The following FMN1 variants were observed in gnomAD, a reference collection of about 807,000 sequenced individuals.
The protein encoded by FMN1 is formin-1.
In FMN1, 110 loss-of-function variants were observed where a neutral mutation model predicts 132.4. That is an observed-to-expected ratio of 0.83 (90% confidence interval 0.71 to 0.97). The LOEUF (loss-of-function observed/expected upper bound fraction) is 0.97. Among genes scored for constraint, FMN1 ranks in the 50% least tolerant of loss-of-function variants. The pLI is 0.00. For synonymous variants in FMN1, 722 were observed against 651.7 expected (o/e 1.11, Z -1.64); for missense variants, 1,792 against 1,705.3 (o/e 1.05, Z -0.90).
intron 15 of FMN1, among the ~76,000 whole-genome samples, chr15:32,890,760 T>TA (rs2060008217): frequency 6.6e-6 from 1 of 152,136 alleles, no homozygotes; most frequent in African/African-American, 2.4e-5. Flanking sequence ...CCCAACTACT[T>TA]ATCTTTGTTT....
chr15:33,180,824 A>G (rs1006156766), intron 2 of FMN1, among the ~76,000 whole-genome samples: 2 of 139,862 alleles, frequency 1.4e-5, no homozygotes, highest in Non-Finnish European at 3.0e-5. Flanking sequence ...ATCACGGCTC[A>G]CTGCAACCTC....
chr15:32,971,853 G>C (rs1399279727), intron 7 of FMN1, among the ~76,000 whole-genome samples: 1 of 152,134 alleles, frequency 6.6e-6, no homozygotes, highest in Admixed American at 6.5e-5. Flanking sequence ...CTTGTATCTA[G>C]AGCAAAAGCC....
At chr15:33,012,694 A>G in intron 6 of FMN1, 2 of 799,484 alleles carry the variant, frequency 2.5e-6, no homozygotes, top group Non-Finnish European at 2.2e-6. Flanking sequence ...ATCCAGCCAA[A>G]GAGGACATAG....
At chr15:32,884,284 G>A (rs1285323165) in intron 16 of FMN1, among the ~76,000 whole-genome samples, 5 of 152,174 alleles carry the variant, frequency 3.3e-5, no homozygotes, top group Admixed American at 2.6e-4. Context: ...GCTCTAGGGA[G>A]AATCTGTTCC....
chr15:32,966,794 C>T (rs547849973), intron 8 of FMN1, among the ~76,000 whole-genome samples: 9 of 152,302 alleles, frequency 5.9e-5, no homozygotes, highest in African/African-American at 2.2e-4. Flanking sequence ...TCTAGTTGCA[C>T]AAAATATTAA....
intron 4 of FMN1, among the ~76,000 whole-genome samples, chr15:33,094,747 G>A (rs16964872): frequency 0.11 from 17,433 of 151,938 alleles, 1,933 homozygotes; most frequent in East Asian, 0.63. Context: ...CTCCTTCCAC[G>A]GTTTTCTCCT....
In FMN1 at chr15:33,070,386, CTTTT is replaced by C. The variant is rs34096484; in HGVS notation, c.2044-5316_2044-5313del. Among the ~76,000 whole-genome samples, 107 of 134,346 alleles carry C rather than the reference CTTTT, an allele frequency of 8.0e-4. 1 individual carries two copies. Among genetic ancestry groups the C allele is most frequent in the African/African-American group, 2.7e-3 (96 of 36,064 alleles). The allele number at this position is 134,346 out of a possible 152,430, so 88.1% of individuals were successfully genotyped here. A position where few individuals can be genotyped will look rare whatever the true frequency, so the allele number is the denominator to read the frequency against. ...CAGTGGGAGAGGGCACGTATTTGGT[CTTTT>C]TTTTTTTTTTTTTTATGAACTGAAA... is the stretch of plus-strand genomic sequence containing the variant. On this transcript the variant is annotated intron_variant, in intron 5 of 20. Coordinates refer to ENST00000616417, the MANE Select transcript of FMN1 (RefSeq NM_001277313.2).
chr15:32,775,107 G>A (rs1293469297), intron 20 of FMN1, among the ~76,000 whole-genome samples: 1 of 152,188 alleles, frequency 6.6e-6, no homozygotes, highest in Admixed American at 6.5e-5. Context: ...CTTTTGGAAT[G>A]AGCAGATGCA....
intron 5 of FMN1, among the ~76,000 whole-genome samples, chr15:33,083,573 G>T (rs1406033136): frequency 6.6e-6 from 1 of 152,226 alleles, no homozygotes; most frequent in African/African-American, 2.4e-5. Flanking sequence ...ACGCTCTTGT[G>T]CTCTGGACCC....
chr15:33,168,135 C>T (rs902914586), intron 3 of FMN1, among the ~76,000 whole-genome samples: 2 of 152,040 alleles, frequency 1.3e-5, no homozygotes, highest in Admixed American at 6.5e-5. Flanking sequence ...GTAACTTGTC[C>T]GAAGTCACAG....
intron 9 of FMN1, among the ~76,000 whole-genome samples, chr15:32,948,939 T>C (rs1173301445): frequency 1.3e-5 from 2 of 152,098 alleles, no homozygotes; most frequent in Non-Finnish European, 2.9e-5. Context: ...TTCAACCTAA[T>C]ATTTCCTTTT....
chr15:32,825,800 G>T (rs933114663), intron 17 of FMN1, among the ~76,000 whole-genome samples: 2 of 152,098 alleles, frequency 1.3e-5, no homozygotes, highest in African/African-American at 4.8e-5. Context: ...TCCTGACTAC[G>T]TTGTGAGATC....
chr15:33,157,550 G>A (rs1342027690), intron 3 of FMN1, among the ~76,000 whole-genome samples: 1 of 152,160 alleles, frequency 6.6e-6, no homozygotes, highest in African/African-American at 2.4e-5. Flanking sequence ...CATAGGTCAT[G>A]TTGCTCTTCA....
At chr15:32,948,690 G>A (rs1186337881) in intron 9 of FMN1, among the ~76,000 whole-genome samples, 3 of 151,654 alleles carry the variant, frequency 2.0e-5, no homozygotes, top group Non-Finnish European at 4.4e-5. Flanking sequence ...CATTTCTATT[G>A]CATCTGTAGT....
intron 6 of FMN1, among the ~76,000 whole-genome samples, chr15:33,018,970 A>C (rs1027085646): frequency 6.6e-6 from 1 of 152,204 alleles, no homozygotes; most frequent in African/African-American, 2.4e-5. Context: ...ATGTGGGCCC[A>C]AAGGAGTGAG....
Position 33,155,021 on chromosome 15 carries a change from C to T in FMN1, c.-107G>A, listed in dbSNP as rs1027781242. On this transcript the variant is annotated 5_prime_UTR_variant, in exon 4 of 21. Coordinates refer to ENST00000616417, the MANE Select transcript of FMN1 (RefSeq NM_001277313.2). ...GTGGCTATGCAGAGAAAGCAGCTGACAGTCATCTCCAGCAATGAGACTGCC... is the reference window on the plus strand; with the variant it reads ...GTGGCTATGCAGAGAAAGCAGCTGATAGTCATCTCCAGCAATGAGACTGCC... The T allele has an allele frequency of 1.6e-5, 13 of 824,036 alleles. No individual in the cohort carries two copies. Among genetic ancestry groups the T allele is most frequent in the Admixed American group, 8.7e-5 (3 of 34,682 alleles). The allele number at this position is 824,036 out of a possible 1,614,324, so 51.0% of individuals were successfully genotyped here.
chr15:33,011,497 G>A (rs2034719583), intron 6 of FMN1, among the ~76,000 whole-genome samples: 1 of 151,694 alleles, frequency 6.6e-6, no homozygotes, highest in African/African-American at 2.4e-5. Flanking sequence ...TTATAGCATA[G>A]TATTTTACAG....
At chr15:33,113,113 T>C (rs985847160) in intron 4 of FMN1, among the ~76,000 whole-genome samples, 13 of 152,230 alleles carry the variant, frequency 8.5e-5, no homozygotes, top group African/African-American at 2.9e-4. Context: ...TACCTCTCAA[T>C]ATGCTGTTTC....
rs76040736 is a variant in FMN1 at position 32,897,405 on chromosome 15, A to C, written c.3714+1429T>G. ...AATGTTACTGGGAGACTTTTTCCCA[A>C]AAAATCTTTAAATTTATTATTTCCA... On this transcript the variant is annotated intron_variant, in intron 15 of 20. Coordinates refer to ENST00000616417, the MANE Select transcript of FMN1 (RefSeq NM_001277313.2). 9.4e-3 allele frequency among the ~76,000 whole-genome samples: 1,437 copies of C among 152,316 alleles called. 21 individuals are homozygous for C. The highest frequency in any genetic ancestry group is 0.033 in the African/African-American group (1,369 of 41,566).
Sources: gnomAD v4.1 joint callset for allele counts (sites outside exome capture counted in the v4.1 genomes callset) on GRCh38, gnomAD v4.1.1 for gene constraint, MANE v1.5 for transcripts, NCBI Gene and HGNC (gene_info 2026-07-23, HGNC 2026-07-21) for gene names.